HOMER1: variants seen among roughly 807,000 people sequenced by gnomAD.
HOMER1 encodes the protein homer scaffold protein 1.
In HOMER1, 3 loss-of-function variants were observed where a neutral mutation model predicts 48.9. The observed-to-expected ratio is 0.06, with a 90% confidence interval of 0.03 to 0.16. HOMER1 has a LOEUF of 0.16. Among genes scored for constraint, HOMER1 ranks in the 10% least tolerant of loss-of-function variants. HOMER1 has a pLI of 1.00. For synonymous variants in HOMER1, 134 were observed against 146.4 expected (o/e 0.92, Z 0.61); for missense variants, 247 against 411.4 (o/e 0.60, Z 3.46).
intron 5 of HOMER1, among the ~76,000 whole-genome samples, chr5:79,406,734 C>G (rs11948162): frequency 0.03 from 4,593 of 152,276 alleles, 214 homozygotes; most frequent in African/African-American, 0.1. Flanking sequence ...AACACTGTAA[C>G]TCTGTGAGAG....
intron 5 of HOMER1, among the ~76,000 whole-genome samples, chr5:79,409,588 T>A: frequency 6.6e-6 from 1 of 151,384 alleles, no homozygotes; most frequent in African/African-American, 2.4e-5. Flanking sequence ...ATCAACAGAG[T>A]GAAAAGGCAA....
chr5:79,483,772 T>C (rs954813221), intron 1 of HOMER1, among the ~76,000 whole-genome samples: 1 of 138,366 alleles, frequency 7.2e-6, no homozygotes, highest in African/African-American at 2.8e-5. Flanking sequence ...AAAAAAAAAG[T>C]GGCCGGGTGT....
chr5:79,396,167 G>C (rs186563228), intron 8 of HOMER1, among the ~76,000 whole-genome samples: 1 of 152,098 alleles, frequency 6.6e-6, no homozygotes, highest in African/African-American at 2.4e-5. Context: ...TTGTACACTG[G>C]AATCAGGAAG....
intron 5 of HOMER1, among the ~76,000 whole-genome samples, chr5:79,434,027 T>C (rs1231933973): frequency 1.3e-5 from 2 of 152,156 alleles, no homozygotes; most frequent in Non-Finnish European, 2.9e-5. Context: ...ATCTAAACAT[T>C]AGAAGAATCT....
intron 1 of HOMER1, among the ~76,000 whole-genome samples, chr5:79,464,771 C>T (rs1751409282): frequency 6.6e-6 from 1 of 152,128 alleles, no homozygotes; most frequent in Non-Finnish European, 1.5e-5. Context: ...CTGTATGTCC[C>T]TATGCCATGA....
intron 5 of HOMER1, among the ~76,000 whole-genome samples, chr5:79,430,830 G>C: frequency 7.1e-6 from 1 of 140,594 alleles, no homozygotes; most frequent in Non-Finnish European, 1.5e-5. Flanking sequence ...CCAGCTACTC[G>C]GGAAGCTGAG....
chr5:79,427,899 A>G (rs930835721), intron 5 of HOMER1, among the ~76,000 whole-genome samples: 23 of 151,880 alleles, frequency 1.5e-4, no homozygotes, highest in African/African-American at 5.3e-4. Flanking sequence ...AAGGAAAAAA[A>G]TCAACTAAAC....
intron 1 of HOMER1, among the ~76,000 whole-genome samples, chr5:79,500,994 A>ACACACACACACACACACAC (rs1491137703): frequency 4.2e-5 from 6 of 143,140 alleles, no homozygotes; most frequent in African/African-American, 1.3e-4. Flanking sequence ...ACACACACAC[A>ACACACACACACACACACAC]AGGTCTGGCT....
At chr5:79,461,116 A>G (rs1165928223) in intron 1 of HOMER1, among the ~76,000 whole-genome samples, 1 of 152,166 alleles carries the variant, frequency 6.6e-6, no homozygotes, top group Non-Finnish European at 1.5e-5. Flanking sequence ...AGATTTTATG[A>G]TGGGTATGTT....
rs1031065684 is a variant in HOMER1 at position 79,389,828 on chromosome 5, C to A, written c.876+6995G>T. On this transcript the variant is annotated intron_variant, in intron 8 of 8. Coordinates refer to ENST00000334082, the MANE Select transcript of HOMER1 (RefSeq NM_004272.5). ...ATTTAATATATTTAATGTATAAAGA[C>A]TAAAACAAATGTAGATGATAGTTAA... Among the ~76,000 whole-genome samples the A allele has an allele frequency of 3.3e-5, 5 of 151,980 alleles. No homozygotes were observed. The East Asian group carries it at 9.6e-4, about 29-fold the overall frequency.
rs62363114 is a variant in HOMER1, at chr5:79,451,481, G to A, written c.163-360C>T. On this transcript the variant is annotated intron_variant, in intron 2 of 8. Transcript: ENST00000334082. ...CACTAGAAGAAGGTAGGCCTTAATA[G>A]TGGTTTATTTAAAAGTAGGGTACCA... is the stretch of plus-strand genomic sequence containing the variant. Among the ~76,000 whole-genome samples, 765 of 149,240 alleles carry A rather than the reference G, an allele frequency of 5.1e-3. 4 individuals carry two copies. Among genetic ancestry groups the A allele is most frequent in the Non-Finnish European group, 8.3e-3 (559 of 67,592 alleles).
intron 1 of HOMER1, among the ~76,000 whole-genome samples, chr5:79,505,574 G>C (rs1433254713): frequency 2.0e-5 from 3 of 152,072 alleles, no homozygotes; most frequent in Admixed American, 6.6e-5. Context: ...CTTCTCAAAA[G>C]ATAACATTGA....
chr5:79,501,114 A>G (rs1166189211), intron 1 of HOMER1, among the ~76,000 whole-genome samples: 1 of 151,618 alleles, frequency 6.6e-6, no homozygotes, highest in Non-Finnish European at 1.5e-5. Flanking sequence ...GGGACTACAG[A>G]TGTGTACCAC....
chr5:79,422,780 G>A (rs1396943514), intron 5 of HOMER1, among the ~76,000 whole-genome samples: 3 of 146,162 alleles, frequency 2.1e-5, no homozygotes, highest in Non-Finnish European at 4.5e-5. Context: ...AGCATTTAAA[G>A]TTTTATACTA....
chr5:79,388,908 T>C (rs1580417383), intron 8 of HOMER1, among the ~76,000 whole-genome samples: 1 of 152,020 alleles, frequency 6.6e-6, no homozygotes, highest in African/African-American at 2.4e-5. Flanking sequence ...ACAGAACTAG[T>C]ATTTAAAACT....
At chr5:79,421,708 G>A (rs1451176184) in intron 5 of HOMER1, among the ~76,000 whole-genome samples, 1 of 151,650 alleles carries the variant, frequency 6.6e-6, no homozygotes, top group Non-Finnish European at 1.5e-5. Flanking sequence ...GGGTTCAAGT[G>A]ATTCTCCTGC....
chr5:79,440,896 G>A (rs1750718994), intron 4 of HOMER1, among the ~76,000 whole-genome samples: 1 of 152,182 alleles, frequency 6.6e-6, no homozygotes, highest in African/African-American at 2.4e-5. Context: ...GGGACGTGGT[G>A]CCTCACGCCT....
At position 79,372,644 on chromosome 5, in the gene HOMER1, T is replaced by C. The variant is rs1471969650; in HGVS notation, c.*3365A>G. 1.3e-5 allele frequency: 2 copies of C among 152,138 alleles called. No individual in the cohort carries two copies. Among genetic ancestry groups the C allele is most frequent in the African/African-American group, 4.8e-5 (2 of 41,430 alleles). The allele number at this position is 152,138 out of a possible 1,614,324, so 9.4% of individuals were successfully genotyped here. Reference sequence around the variant, plus strand: ...ATCATTTGATATCAAATAAATGCAATGGTTAAAACAACAATAAGAATCCAC... The same window carrying C: ...ATCATTTGATATCAAATAAATGCAACGGTTAAAACAACAATAAGAATCCAC... On this transcript the variant is annotated 3_prime_UTR_variant, in exon 9 of 9. Transcript: ENST00000334082.
At chr5:79,422,182 G>A (rs960559794) in intron 5 of HOMER1, among the ~76,000 whole-genome samples, 3 of 151,504 alleles carry the variant, frequency 2.0e-5, no homozygotes, top group Non-Finnish European at 2.9e-5. Flanking sequence ...AGCCAAGATC[G>A]TGCCACTGCA....
Sources: gnomAD v4.1 joint callset for allele counts (sites outside exome capture counted in the v4.1 genomes callset) on GRCh38, gnomAD v4.1.1 for gene constraint, MANE v1.5 for transcripts, NCBI Gene and HGNC (gene_info 2026-07-23, HGNC 2026-07-21) for gene names.